ARL15: variants seen among roughly 807,000 people sequenced by gnomAD.
ARL15 encodes ADP-ribosylation factor-like protein 15.
ARL15 carries 19 observed loss-of-function variants against 25.2 expected under a neutral mutation model. That is an observed-to-expected ratio of 0.75 (90% CI 0.53 to 1.10). ARL15 has a LOEUF of 1.10. Among genes scored for constraint, ARL15 ranks in the 50% least tolerant of loss-of-function variants. The probability of loss-of-function intolerance (pLI) is 0.00; values close to 1 mark genes in which losing one functional copy is unlikely to be tolerated. For missense variants in ARL15, 220 were observed against 246.0 expected, an observed-to-expected ratio of 0.89 and a Z score of 0.71; for synonymous variants, 94 against 86.8, an observed-to-expected ratio of 1.08 and a Z score of -0.46.
intron 4 of ARL15, among the ~76,000 whole-genome samples, chr5:53,985,256 CT>C (rs1434294902): frequency 1.3e-5 from 2 of 152,296 alleles, no homozygotes; most frequent in Admixed American, 6.5e-5. Flanking sequence ...ACTCCTCCCC[CT>C]ATCTCCTATT....
chr5:54,197,549 G>A (rs1266571873), intron 1 of ARL15, among the ~76,000 whole-genome samples: 2 of 152,088 alleles, frequency 1.3e-5, no homozygotes, highest in Non-Finnish European at 2.9e-5. Flanking sequence ...ATTTTGGGGG[G>A]AAATGCAAGT....
intron 4 of ARL15, among the ~76,000 whole-genome samples, chr5:54,092,388 A>T (rs1752156862): frequency 6.6e-6 from 1 of 152,218 alleles, no homozygotes; most frequent in Admixed American, 6.5e-5. Flanking sequence ...TGAAACAAGC[A>T]CATACCTATA....
chr5:54,284,878 G>A (rs914722745), intron 1 of ARL15, among the ~76,000 whole-genome samples: 2 of 152,104 alleles, frequency 1.3e-5, no homozygotes, highest in African/African-American at 4.8e-5. Flanking sequence ...TAATTACTAG[G>A]AGTCGGATAC....
chr5:54,305,454 C>CT (rs1419087032), intron 1 of ARL15, among the ~76,000 whole-genome samples: 1 of 151,950 alleles, frequency 6.6e-6, no homozygotes, highest in African/African-American at 2.4e-5. Context: ...GAGCAAAACT[C>CT]TGTCACAAAA....
chr5:54,043,788 T>G (rs1456785206), intron 4 of ARL15, among the ~76,000 whole-genome samples: 1 of 151,686 alleles, frequency 6.6e-6, no homozygotes, highest in African/African-American at 2.4e-5. Flanking sequence ...ATTAAAATAA[T>G]TCAGGCTCTT....
intron 4 of ARL15, among the ~76,000 whole-genome samples, chr5:54,021,318 A>G (rs1655593407): frequency 6.6e-6 from 1 of 152,206 alleles, no homozygotes; most frequent in African/African-American, 2.4e-5. Flanking sequence ...CTGGGCAACA[A>G]GAGTGAAACT....
At chr5:54,061,105 G>A (rs1201546436) in intron 4 of ARL15, among the ~76,000 whole-genome samples, 4 of 152,214 alleles carry the variant, frequency 2.6e-5, no homozygotes, top group Non-Finnish European at 2.9e-5. Flanking sequence ...CACAGGCCCA[G>A]AGGTCTAGGA....
At chr5:53,937,100 T>C (rs536160040) in intron 4 of ARL15, among the ~76,000 whole-genome samples, 3 of 152,314 alleles carry the variant, frequency 2.0e-5, no homozygotes, top group African/African-American at 7.2e-5. Context: ...AAACACCCAC[T>C]GGTAGCAAGC....
At chr5:54,209,887 C>T (rs1306801657) in intron 1 of ARL15, among the ~76,000 whole-genome samples, 1 of 152,084 alleles carries the variant, frequency 6.6e-6, no homozygotes, top group Non-Finnish European at 1.5e-5. Flanking sequence ...AGTAAGAAAG[C>T]TATCTTTTTC....
chr5:54,081,799 G>A (rs1166183898), intron 4 of ARL15, among the ~76,000 whole-genome samples: 1 of 152,010 alleles, frequency 6.6e-6, no homozygotes, highest in African/African-American at 2.4e-5. Flanking sequence ...CTTTATAGCA[G>A]TATGAAAACA....
intron 1 of ARL15, among the ~76,000 whole-genome samples, chr5:54,200,270 T>C (rs1052876984): frequency 2.7e-5 from 4 of 149,374 alleles, no homozygotes; most frequent in African/African-American, 4.9e-5. Context: ...GTTGTGCACA[T>C]GTACCCTAAA....
intron 1 of ARL15, among the ~76,000 whole-genome samples, chr5:54,306,922 C>T (rs1417147379): frequency 6.6e-6 from 1 of 152,174 alleles, no homozygotes; most frequent in East Asian, 1.9e-4. Context: ...GTCCAACCTC[C>T]CAGGAAAACT....
intron 1 of ARL15, among the ~76,000 whole-genome samples, chr5:54,180,499 G>T (rs1179635069): frequency 6.6e-6 from 1 of 152,194 alleles, no homozygotes; most frequent in Non-Finnish European, 1.5e-5. Flanking sequence ...ACTTCTCCAC[G>T]TTCCAAGAGC....
intron 4 of ARL15, among the ~76,000 whole-genome samples, chr5:54,014,258 AAG>A (rs1749335709): frequency 6.6e-6 from 1 of 152,072 alleles, no homozygotes. Flanking sequence ...CAGACACTGG[AAG>A]AGATTTTTTC....
chr5:54,162,419 A>AT (rs1754432635), intron 2 of ARL15, among the ~76,000 whole-genome samples: 1 of 151,808 alleles, frequency 6.6e-6, no homozygotes, highest in Non-Finnish European at 1.5e-5. Context: ...TTCCCTGCAC[A>AT]TTTTTTCTTC....
intron 1 of ARL15, among the ~76,000 whole-genome samples, chr5:54,300,647 T>C (rs1447056039): frequency 1.3e-5 from 2 of 152,254 alleles, no homozygotes; most frequent in African/African-American, 4.8e-5. Flanking sequence ...TATTCTGTTG[T>C]CATCTTCCAC....
At chr5:54,290,205 G>A (rs563884522) in intron 1 of ARL15, among the ~76,000 whole-genome samples, 1 of 152,136 alleles carries the variant, frequency 6.6e-6, no homozygotes, top group South Asian at 2.1e-4. Context: ...CCATTTTTTA[G>A]CCAGGCCTCA....
In ARL15 at chr5:53,959,989, G is replaced by A. The variant is rs139655924; in HGVS notation, c.463-73276C>T. Among the ~76,000 whole-genome samples, 676 of 152,088 alleles carry A rather than the reference G, an allele frequency of 4.4e-3. 7 individuals carry two copies. The highest frequency in any genetic ancestry group is 0.014 in the African/African-American group (564 of 41,496). On this transcript the variant is annotated intron_variant, in intron 4 of 4. Transcript: ENST00000504924. ...GAGCAGTGTCTGACATATAGTAGATGCTTGGTAAATATTTGTCGAAAGAAT... is the reference window on the plus strand; with the variant it reads ...GAGCAGTGTCTGACATATAGTAGATACTTGGTAAATATTTGTCGAAAGAAT...
intron 4 of ARL15, among the ~76,000 whole-genome samples, chr5:54,080,354 T>A (rs536813099): frequency 6.6e-6 from 1 of 152,252 alleles, no homozygotes. Context: ...ACAAATGATA[T>A]GGTATTCAAG....
Sources: gnomAD v4.1 joint callset for allele counts (sites outside exome capture counted in the v4.1 genomes callset) on GRCh38, gnomAD v4.1.1 for gene constraint, MANE v1.5 for transcripts, NCBI Gene and HGNC (gene_info 2026-07-23, HGNC 2026-07-21) for gene names.